The following NEMP1 variants were observed in gnomAD, a reference collection of about 807,000 sequenced individuals.
NEMP1 encodes nuclear envelope integral membrane protein 1, also known as transmembrane protein 194.
In NEMP1, 29 loss-of-function variants were observed where a neutral mutation model predicts 53.7. The ratio of observed to expected loss-of-function variants is 0.54; its 90% CI spans 0.40 to 0.74. NEMP1 has a LOEUF of 0.74. Among genes scored for constraint, NEMP1 ranks in the 30% least tolerant of loss-of-function variants. NEMP1 has a pLI of 0.00. For missense variants in NEMP1, 477 were observed against 528.6 expected, an observed-to-expected ratio of 0.90 and a Z score of 0.96; for synonymous variants, 193 against 192.9, an observed-to-expected ratio of 1.00 and a Z score of 0.00.
At position 57,070,761 on chromosome 12, in the gene NEMP1, C is replaced by A; in HGVS notation, c.385G>T (p.Val129Phe). The change falls in exon 3 of 9, where the codon GTT becomes TTT. Residue 129 changes from valine to phenylalanine, a missense_variant. Physicochemically the swap from Val to Phe is conservative, Grantham distance 50 (BLOSUM62 -1). Transcript: ENST00000300128. Reference sequence around the variant, plus strand: ...TTTGTGCTGTATAGACCCACGTTAACATAGGTGTCATTCAATTTCTCTTTT... The same window carrying A: ...TTTGTGCTGTATAGACCCACGTTAAAATAGGTGTCATTCAATTTCTCTTTT... ...FLKEKLNDTYVNVGLYSTKTC... is the reference protein window; with the variant it reads ...FLKEKLNDTYFNVGLYSTKTC... 1 of 1,604,596 alleles carries A rather than the reference C, an allele frequency of 6.2e-7. No individual in the cohort carries two copies. Among genetic ancestry groups the A allele is most frequent in the Non-Finnish European group, 8.5e-7 (1 of 1,174,834 alleles).
At chr12:57,082,858 A>C (rs1171666526), upstream of NEMP1, among the ~76,000 whole-genome samples, 1 of 135,436 alleles carries the variant, frequency 7.4e-6, no homozygotes, top group African/African-American at 2.8e-5. Flanking sequence ...CAAAGAATAC[A>C]AAAAAAAAAA....
chr12:57,060,887 A>G lies in NEMP1; in HGVS notation c.1039T>C (p.Tyr347His), dbSNP rs1416818045. 6.2e-7 allele frequency: 1 copy of G among 1,614,114 alleles called. No individual in the cohort carries two copies. The highest frequency in any genetic ancestry group is 1.1e-5 in the South Asian group (1 of 91,080). ...VPPRLLTEEE[Y>H]RIQGEVETRK... is the part of the protein sequence containing the mutation. ...GTTTCTACCTCTCCTTGTATCCGAT[A>G]TTCTTCTTCTGTCAGGAGACGAGGG... is the stretch of plus-strand genomic sequence containing the variant. The change falls in exon 8 of 9, where the codon TAT becomes CAT. Residue 347 changes from tyrosine (Y) to histidine (H), a missense_variant. Coordinates refer to ENST00000300128, the MANE Select transcript of NEMP1 (RefSeq NM_001130963.2).
intron 1 of NEMP1, among the ~76,000 whole-genome samples, chr12:57,084,121 C>T (rs2032925949): frequency 6.6e-6 from 1 of 152,206 alleles, no homozygotes; most frequent in Non-Finnish European, 1.5e-5. Flanking sequence ...CGCCACCACG[C>T]CCAGGTAATT....
chr12:57,061,998 A>C (rs79123614), intron 7 of NEMP1, among the ~76,000 whole-genome samples: 7 of 149,168 alleles, frequency 4.7e-5, no homozygotes, highest in African/African-American at 1.7e-4. Context: ...ACTCCATCTC[A>C]AAAAAAAAAG....
chr12:57,061,394 G>C (rs1005909412), intron 7 of NEMP1, among the ~76,000 whole-genome samples: 4 of 152,020 alleles, frequency 2.6e-5, no homozygotes, highest in Non-Finnish European at 5.9e-5. Flanking sequence ...GAAAATCATG[G>C]TATAAGACTG....
In NEMP1 at chr12:57,076,272, C is replaced by A. The variant is rs1400608996; in HGVS notation, c.127+2347G>T. Among the ~76,000 whole-genome samples, 4 of 152,208 alleles carry A rather than the reference C, an allele frequency of 2.6e-5. No homozygotes were observed. The East Asian group carries it at 5.8e-4, about 22-fold the overall frequency. ...AGGCAGATGGCACGTGCCTGTAGTC[C>A]CAGCTACTTGGGGAGACCGAGGTGG... On this transcript the variant is annotated intron_variant, in intron 1 of 8. Coordinates refer to ENST00000300128, the MANE Select transcript of NEMP1 (RefSeq NM_001130963.2).
rs951444251 is a variant in NEMP1 at position 57,057,699 on chromosome 12, C to G, written c.*2180G>C. On this transcript the variant is annotated 3_prime_UTR_variant, in exon 9 of 9. Transcript: ENST00000300128. ...ATTTTATTCACCTCAAGTCTAAACA[C>G]GGTGGAAAAAAAACTGGTCTAGAGA... 2 of 151,922 alleles carry G rather than the reference C, an allele frequency of 1.3e-5. No individual in the cohort carries two copies. Among genetic ancestry groups the G allele is most frequent in the African/African-American group, 4.8e-5 (2 of 41,342 alleles). 9.4% of individuals were successfully genotyped at this position (151,922 alleles called of 1,614,324 possible).
chr12:57,069,328 G>T (rs2032241334), intron 3 of NEMP1, 22 bp from the exon 4 acceptor site: 2 of 1,495,084 alleles, frequency 1.3e-6, no homozygotes, highest in East Asian at 2.5e-5. Context: ...AAAGATTTTT[G>T]CTTAATAAGG....
upstream of NEMP1, among the ~76,000 whole-genome samples, chr12:57,082,852 G>T (rs891340270): frequency 4.6e-4 from 68 of 148,042 alleles, no homozygotes; most frequent in African/African-American, 1.6e-3. Context: ...TCTCTACAAA[G>T]AATACAAAAA....
chr12:57,087,797 A>G (rs569007627), intron 1 of NEMP1, among the ~76,000 whole-genome samples: 36 of 151,902 alleles, frequency 2.4e-4, no homozygotes, highest in Non-Finnish European at 2.2e-4. Context: ...GAGATTCCGG[A>G]CTAGGGGAAA....
chr12:57,087,611 C>T (rs2033050433), intron 1 of NEMP1, among the ~76,000 whole-genome samples: 1 of 151,992 alleles, frequency 6.6e-6, no homozygotes, highest in African/African-American at 2.4e-5. Context: ...GAGAAGAGGA[C>T]CTGAGCAACT....
rs1302648281 is a variant in NEMP1, at chr12:57,061,719, C to T, written c.981-774G>A. The stretch of plus-strand genomic sequence containing the variant: ...AAAAAAAAAAAAAAACAAAAAAAAA[C>T]GCCGGGCAAGGTGGCTCACACCTGT... On this transcript the variant is annotated intron_variant, in intron 7 of 8. Coordinates refer to ENST00000300128, the MANE Select transcript of NEMP1 (RefSeq NM_001130963.2). Among the ~76,000 whole-genome samples the T allele has an allele frequency of 2.5e-5, 3 of 122,212 alleles. No individual in the cohort carries two copies. The South Asian group carries it at 8.3e-4, about 34-fold the overall frequency. The allele number at this position is 122,212 out of a possible 152,430, so 80.2% of individuals were successfully genotyped here. A position where few individuals can be genotyped will look rare whatever the true frequency, so the allele number is the denominator to read the frequency against.
chr12:57,059,631 TG>T lies in NEMP1; in HGVS notation c.*247del. ...TCCAATTTCTCTGGAAACATAAAAG[TG>T]GGCTGTTAGCTTAACCAATGGGAAG... On this transcript the variant is annotated 3_prime_UTR_variant, in exon 9 of 9. Transcript: ENST00000300128. The T allele has an allele frequency of 1.1e-5, 4 of 362,698 alleles. No individual in the cohort carries two copies. In the South Asian group the frequency reaches 3.3e-4, roughly 30 times the overall value. 22.5% of individuals were successfully genotyped at this position (362,698 alleles called of 1,614,324 possible). A position where few individuals can be genotyped will look rare whatever the true frequency, so the allele number is the denominator to read the frequency against.
chr12:57,087,216 G>A (rs955432431), intron 1 of NEMP1, among the ~76,000 whole-genome samples: 4 of 152,196 alleles, frequency 2.6e-5, no homozygotes, highest in Non-Finnish European at 4.4e-5. Flanking sequence ...GTAGGTTGCC[G>A]CTCACTTGCT....
chr12:57,067,020 C>T (rs2032114446), intron 4 of NEMP1, among the ~76,000 whole-genome samples: 1 of 152,096 alleles, frequency 6.6e-6, no homozygotes, highest in South Asian at 2.1e-4. Context: ...GTATCTTTAT[C>T]AACAGTATGA....
intron 6 of NEMP1, 74 bp from the exon 7 acceptor site, chr12:57,063,418 G>GTAAA: frequency 6.5e-6 from 8 of 1,235,538 alleles, no homozygotes; most frequent in Non-Finnish European, 9.3e-6. Context: ...GGAAGCAGTA[G>GTAAA]TTAATTTACT....
chr12:57,087,501 A>G (rs1320708929), intron 1 of NEMP1, among the ~76,000 whole-genome samples: 1 of 151,234 alleles, frequency 6.6e-6, no homozygotes, highest in Admixed American at 6.6e-5. Context: ...TCCCCAGGGG[A>G]GCCCGTCTAG....
intron 1 of NEMP1, among the ~76,000 whole-genome samples, chr12:57,086,099 G>C (rs897446704): frequency 2.6e-5 from 4 of 152,154 alleles, no homozygotes; most frequent in African/African-American, 9.7e-5. Flanking sequence ...GGAAGGAGAG[G>C]GTGAGCCAAA....
intron 4 of NEMP1, among the ~76,000 whole-genome samples, chr12:57,068,918 T>C (rs2032219216): frequency 6.6e-6 from 1 of 152,168 alleles, no homozygotes; most frequent in African/African-American, 2.4e-5. Flanking sequence ...CCCATGGACC[T>C]GTAAAGATGA....
Sources: gnomAD v4.1 joint callset for allele counts (sites outside exome capture counted in the v4.1 genomes callset) on GRCh38, gnomAD v4.1.1 for gene constraint, MANE v1.5 for transcripts, NCBI Gene and HGNC (gene_info 2026-07-23, HGNC 2026-07-21) for gene names.